Variants in MYBPC2 observed in about 807,000 individuals in gnomAD.
MYBPC2 encodes myosin binding protein C2, also known as myosin-binding protein C, fast-type.
In MYBPC2, 122 loss-of-function variants were observed where a neutral mutation model predicts 137.0. The observed-to-expected ratio is 0.89, with a 90% CI of 0.77 to 1.03. The LOEUF (loss-of-function observed/expected upper bound fraction) is 1.03. Among genes scored for constraint, MYBPC2 ranks in the 50% least tolerant of loss-of-function variants. The probability of loss-of-function intolerance (pLI) is 0.00; values close to 1 mark genes in which losing one functional copy is unlikely to be tolerated. For missense variants in MYBPC2, 1,500 were observed against 1,534.4 expected (o/e 0.98, Z 0.37); for synonymous variants, 626 against 612.3 (o/e 1.02, Z -0.33).
chr19:50,447,981 C>A (rs992715735), intron 12 of MYBPC2, among the ~76,000 whole-genome samples: 1 of 152,174 alleles, frequency 6.6e-6, no homozygotes, highest in Admixed American at 6.5e-5. Flanking sequence ...ACCTGGGAGG[C>A]TTTTTTTCAT....
chr19:50,459,626 A>G (rs1451215772), intron 23 of MYBPC2, among the ~76,000 whole-genome samples: 1 of 50,168 alleles, frequency 2.0e-5, no homozygotes, highest in Non-Finnish European at 3.6e-5. Context: ...AGGAGGTGAG[A>G]CGAGGGGTGG....
At chr19:50,456,229 T>TCATC (rs143679406) in intron 20 of MYBPC2, among the ~76,000 whole-genome samples, 1,871 of 144,924 alleles carry the variant, frequency 0.013, 24 homozygotes, top group Middle Eastern at 0.032. Context: ...TTCCATCTAT[T>TCATC]CATCCATCCA....
At position 50,435,967 on chromosome 19, in the gene MYBPC2, T is replaced by A; in HGVS notation, c.197-45T>A. ...CTCCCTCTGGAGAGCCTTATGTTCC[T>A]TCCTGGGCCTCCTCCCACTCTACCC... On this transcript the variant is annotated intron_variant, in intron 3 of 27. Coordinates refer to ENST00000357701, the MANE Select transcript of MYBPC2 (RefSeq NM_004533.4). The surrounding 1 kb of genome is among the most constrained non-coding windows in gnomAD (Gnocchi z 4.8). 1 of 1,555,970 alleles carries A rather than the reference T, an allele frequency of 6.4e-7. No individual in the cohort carries two copies. The highest frequency in any genetic ancestry group is 8.7e-7 in the Non-Finnish European group (1 of 1,149,152).
Position 50,442,330 on chromosome 19 carries a change from C to G in MYBPC2, c.902+17C>G. The G allele has an allele frequency of 6.2e-7, 1 of 1,605,616 alleles. No individual in the cohort carries two copies. The highest frequency in any genetic ancestry group is 1.3e-5 in the African/African-American group (1 of 74,850). On this transcript the variant is annotated intron_variant, in intron 9 of 27. Transcript: ENST00000357701. ...AAGCAGCAAGTATGTGTGGGGTGGGCAGTCCCTGCACCGGGGAGATCCCCG... is the reference window on the plus strand; with the variant it reads ...AAGCAGCAAGTATGTGTGGGGTGGGGAGTCCCTGCACCGGGGAGATCCCCG...
In MYBPC2 at chr19:50,443,531, A is replaced by G. The variant is rs112900024; in HGVS notation, c.940A>G (p.Thr314Ala). 41 of 1,613,254 alleles carry G rather than the reference A, an allele frequency of 2.5e-5. 1 individual carries two copies. Among genetic ancestry groups the G allele is most frequent in the African/African-American group, 2.4e-4 (18 of 75,042 alleles). ...FENVGKKRIL[T>A]INKCTLADDA... ...GAACGTTGGTAAGAAGCGAATTCTTACCATCAACAAGTGCACGCTGGCGGA... is the reference window on the plus strand; with the variant it reads ...GAACGTTGGTAAGAAGCGAATTCTTGCCATCAACAAGTGCACGCTGGCGGA... Residue 314 changes from threonine to alanine, a missense_variant, in exon 10 of 28, where the codon ACC becomes GCC. Physicochemically the swap from Thr to Ala is moderately conservative, Grantham distance 58. Coordinates refer to ENST00000357701, the MANE Select transcript of MYBPC2 (RefSeq NM_004533.4).
At position 50,448,302 on chromosome 19, in the gene MYBPC2, G is replaced by T; in HGVS notation, c.1384G>T (p.Val462Leu). The T allele has an allele frequency of 6.2e-7, 1 of 1,613,926 alleles. No individual in the cohort carries two copies. The highest frequency in any genetic ancestry group is 1.7e-5 in the Admixed American group (1 of 60,006). The change falls in exon 13 of 28, where the codon GTG becomes TTG. Residue 462 changes from valine to leucine, a missense_variant. Physicochemically the swap from Val to Leu is conservative, Grantham distance 32. Transcript: ENST00000357701. ...ASEQAVFKCE[V>L]SDEKVTGKWY... Reference sequence around the variant, plus strand: ...AGAACAAGCTGTGTTCAAGTGCGAGGTGTCTGATGAGAAAGTGACGGGCAA... The same window carrying T: ...AGAACAAGCTGTGTTCAAGTGCGAGTTGTCTGATGAGAAAGTGACGGGCAA...
intron 18 of MYBPC2, 35 bp from the exon 19 acceptor site, chr19:50,455,073 C>A (rs148262229): frequency 6.4e-7 from 1 of 1,572,274 alleles, no homozygotes; most frequent in East Asian, 2.3e-5. Flanking sequence ...CATGCCCTCC[C>A]GTTCCCTCTT....
At chr19:50,451,597 G>A in intron 15 of MYBPC2, among the ~76,000 whole-genome samples, 1 of 148,296 alleles carries the variant, frequency 6.7e-6, no homozygotes, top group South Asian at 2.2e-4. Context: ...GGGGCTGGGG[G>A]CCTAGACTGT....
chr19:50,453,311 G>A (rs1193006534), intron 16 of MYBPC2, among the ~76,000 whole-genome samples: 3 of 152,052 alleles, frequency 2.0e-5, no homozygotes, highest in Admixed American at 6.6e-5. Context: ...ACAGTCCAGG[G>A]TGCTCTGGCT....
intron 15 of MYBPC2, 42 bp downstream of exon 15, chr19:50,451,351 A>G (rs755580211): frequency 2.7e-5 from 44 of 1,600,162 alleles, no homozygotes; most frequent in Non-Finnish European, 3.6e-5. Context: ...CTGAGGGAGG[A>G]GGGACCGGGC....
intron 13 of MYBPC2, 63 bp from the exon 14 acceptor site, chr19:50,450,766 G>A: frequency 8.2e-7 from 1 of 1,217,520 alleles, no homozygotes; most frequent in Admixed American, 2.0e-5. Flanking sequence ...TTGAGGCGGT[G>A]CAGCCCCATA....
At chr19:50,455,770 G>A in intron 20 of MYBPC2, 126 bp downstream of exon 20, 2 of 1,384,652 alleles carry the variant, frequency 1.4e-6, no homozygotes, top group African/African-American at 1.4e-5. Flanking sequence ...TTTTGTGTCT[G>A]TACTGTTATA....
At chr19:50,453,897 A>G (rs1360227841) in intron 16 of MYBPC2, 123 bp from the exon 17 acceptor site, 32 of 1,133,056 alleles carry the variant, frequency 2.8e-5, no homozygotes, top group Non-Finnish European at 3.9e-5. Flanking sequence ...CAGTGGAGCG[A>G]GTGAGGACTC....
intron 12 of MYBPC2, among the ~76,000 whole-genome samples, chr19:50,447,053 GCCTT>G (rs1431510002): frequency 6.6e-6 from 1 of 151,022 alleles, no homozygotes; most frequent in Non-Finnish European, 1.5e-5. Flanking sequence ...CCTGGCCCAG[GCCTT>G]CCTTCCCTCA....
chr19:50,462,056 G>C lies in MYBPC2; in HGVS notation c.3228+20G>C. On this transcript the variant is annotated intron_variant, in intron 26 of 27. Coordinates refer to ENST00000357701, the MANE Select transcript of MYBPC2 (RefSeq NM_004533.4). Reference sequence around the variant, plus strand: ...CCGAAGGTGCCAGGGCAGGGACCCAGATCTGCGTGTGTGTTGCCTTGTGGG... The same window carrying C: ...CCGAAGGTGCCAGGGCAGGGACCCACATCTGCGTGTGTGTTGCCTTGTGGG... 1 of 1,565,404 alleles carries C rather than the reference G, an allele frequency of 6.4e-7. No individual in the cohort carries two copies. The highest frequency in any genetic ancestry group is 1.7e-4 in the Middle Eastern group (1 of 5,972).
rs1298064344 is a variant in MYBPC2 at position 50,443,711 on chromosome 19, AAC to A, written c.1029_1030del (p.Glu343AspfsTer10). ...GACCTCCTGTCCCCCTGCCCCACAG[AAC>A]CTCCAGTCCTAATTGTCACACCTCT... On this transcript the variant is annotated frameshift_variant and splice_region_variant, in exon 11 of 28. Transcript: ENST00000357701. LOFTEE classifies it high-confidence loss of function. 4.3e-6 allele frequency: 7 copies of A among 1,613,206 alleles called. No individual in the cohort carries two copies. The highest frequency in any genetic ancestry group is 5.9e-6 in the Non-Finnish European group (7 of 1,179,366).
chr19:50,433,069 A>C, intron 1 of MYBPC2, 97 bp downstream of exon 1: 1 of 1,407,686 alleles, frequency 7.1e-7, no homozygotes, highest in Admixed American at 2.8e-5. Context: ...AGAAGGAGGA[A>C]CCTTCGCTGT....
chr19:50,437,048 G>A (rs1601280782), intron 5 of MYBPC2, among the ~76,000 whole-genome samples: 1 of 152,254 alleles, frequency 6.6e-6, no homozygotes, highest in South Asian at 2.1e-4. Flanking sequence ...TCCAGGTTTA[G>A]AGAAGAAGGA....
At chr19:50,450,805 C>T in intron 13 of MYBPC2, 24 bp from the exon 14 acceptor site, 1 of 1,546,322 alleles carries the variant, frequency 6.5e-7, no homozygotes, top group Non-Finnish European at 8.8e-7. Flanking sequence ...GGTTCGAGCC[C>T]TACCCTGCTC....
Sources: gnomAD v4.1 joint callset for allele counts (sites outside exome capture counted in the v4.1 genomes callset) on GRCh38, gnomAD v4.1.1 for gene constraint, Gnocchi (gnomAD v3.1) non-coding constraint, MANE v1.5 for transcripts, NCBI Gene and HGNC (gene_info 2026-07-23, HGNC 2026-07-21) for gene names.